The following SLCO3A1 variants were observed in gnomAD, a reference collection of about 807,000 sequenced individuals.
SLCO3A1 encodes solute carrier organic anion transporter family member 3A1, also known as PGE1 transporter.
In SLCO3A1, 27 loss-of-function variants were observed where a neutral mutation model predicts 63.1. The observed-to-expected ratio is 0.43, with a 90% CI of 0.32 to 0.59. SLCO3A1 has a LOEUF of 0.59. Ranked by LOEUF, SLCO3A1 falls within the 20% of genes least tolerant of loss-of-function variation. The pLI, the probability that SLCO3A1 is intolerant of heterozygous loss-of-function variation, is 0.09. For missense variants in SLCO3A1, 773 were observed against 945.8 expected, an observed-to-expected ratio of 0.82 and a Z score of 2.40; for synonymous variants, 473 against 409.9, an observed-to-expected ratio of 1.15 and a Z score of -1.86.
At chr15:91,982,940 A>G (rs916790836) in intron 2 of SLCO3A1, among the ~76,000 whole-genome samples, 5 of 152,132 alleles carry the variant, frequency 3.3e-5, no homozygotes, top group African/African-American at 1.2e-4. Context: ...CTCCACCCCA[A>G]ACTCCCAGGA....
At chr15:92,041,724 T>G (rs779371763) in intron 2 of SLCO3A1, among the ~76,000 whole-genome samples, 1 of 152,166 alleles carries the variant, frequency 6.6e-6, no homozygotes, top group Non-Finnish European at 1.5e-5. Context: ...CACCTGACAT[T>G]TAGAAATCAG....
intron 2 of SLCO3A1, among the ~76,000 whole-genome samples, chr15:91,930,489 A>G (rs953554314): frequency 1.3e-5 from 2 of 152,220 alleles, no homozygotes; most frequent in African/African-American, 4.8e-5. Flanking sequence ...CCATATGGTT[A>G]TGTGTATTAA....
At chr15:91,880,122 C>CGTCCGTCCGTCT (rs1897522104) in intron 1 of SLCO3A1, among the ~76,000 whole-genome samples, 3 of 112,868 alleles carry the variant, frequency 2.7e-5, no homozygotes, top group Non-Finnish European at 5.2e-5. Flanking sequence ...TCCGTCCGTC[C>CGTCCGTCCGTCT]GTCCGTCCGT....
At chr15:92,003,923 A>C (rs2046284312) in intron 2 of SLCO3A1, among the ~76,000 whole-genome samples, 1 of 152,208 alleles carries the variant, frequency 6.6e-6, no homozygotes, top group Admixed American at 6.5e-5. Flanking sequence ...CTGCTGCAGA[A>C]GGGCCATGCT....
In SLCO3A1 at chr15:92,104,269, C is replaced by T; in HGVS notation, c.746-10C>T. 2.5e-6 allele frequency: 4 copies of T among 1,613,934 alleles called. No homozygotes were observed. Among genetic ancestry groups the T allele is most frequent in the Non-Finnish European group, 3.4e-6 (4 of 1,179,968 alleles). On this transcript the variant is annotated splice_polypyrimidine_tract_variant and intron_variant, in intron 3 of 9. Transcript: ENST00000318445. Reference sequence around the variant, plus strand: ...TTTTCTCCACTAAGCTGTGCTCTTTCCATTTACAGGTAACCTGGACATCAC... The same window carrying T: ...TTTTCTCCACTAAGCTGTGCTCTTTTCATTTACAGGTAACCTGGACATCAC...
At chr15:91,984,913 A>G (rs2046031553) in intron 2 of SLCO3A1, among the ~76,000 whole-genome samples, 1 of 151,946 alleles carries the variant, frequency 6.6e-6, no homozygotes, top group African/African-American at 2.4e-5. Flanking sequence ...ATTATCTTCA[A>G]CTCACACTTT....
chr15:91,876,644 G>A (rs1897405436), intron 1 of SLCO3A1, among the ~76,000 whole-genome samples: 8 of 152,210 alleles, frequency 5.3e-5, no homozygotes, highest in Admixed American at 5.2e-4. Context: ...CAGATCTGAG[G>A]CTGGCAAGCA....
chr15:92,163,547 AAAAAAAATT>A lies in SLCO3A1; in HGVS notation c.*420_*428del, dbSNP rs2048466642. 1 of 901,164 alleles carries A rather than the reference AAAAAAAATT, an allele frequency of 1.1e-6. No individual in the cohort carries two copies. The highest frequency in any genetic ancestry group is 5.1e-5 in the South Asian group (1 of 19,488). 55.8% of individuals were successfully genotyped at this position (901,164 alleles called of 1,614,324 possible). On this transcript the variant is annotated 3_prime_UTR_variant, in exon 10 of 10. Coordinates refer to ENST00000318445, the MANE Select transcript of SLCO3A1 (RefSeq NM_013272.4). ...TTTTTTAAAAGAAGTTTCCTAAAATAAAAAAAATTAAAAAAAAAAAACCCACAAGTTGAA... is the reference window on the plus strand; with the variant it reads ...TTTTTTAAAAGAAGTTTCCTAAAATAAAAAAAAAAAAACCCACAAGTTGAA...
chr15:91,866,873 G>A (rs1381474459), intron 1 of SLCO3A1, among the ~76,000 whole-genome samples: 1 of 152,188 alleles, frequency 6.6e-6, no homozygotes, highest in Non-Finnish European at 1.5e-5. Flanking sequence ...AAAGCATTGG[G>A]CCAGGGTGGG....
chr15:91,940,136 C>A (rs966430116), intron 2 of SLCO3A1, among the ~76,000 whole-genome samples: 1 of 152,164 alleles, frequency 6.6e-6, no homozygotes, highest in Non-Finnish European at 1.5e-5. Flanking sequence ...TGCTTTCCCT[C>A]CTCTCCTAGC....
intron 2 of SLCO3A1, among the ~76,000 whole-genome samples, chr15:92,067,627 G>A (rs376067024): frequency 2.0e-5 from 3 of 152,162 alleles, no homozygotes; most frequent in Admixed American, 6.5e-5. Flanking sequence ...ATTAAGCATC[G>A]TCTAACTGCA....
intron 1 of SLCO3A1, among the ~76,000 whole-genome samples, chr15:91,910,652 A>C (rs1898455102): frequency 6.6e-6 from 1 of 152,242 alleles, no homozygotes; most frequent in Non-Finnish European, 1.5e-5. Context: ...TCAAAGCCAG[A>C]TGGGAACTCG....
At position 91,968,012 on chromosome 15, in the gene SLCO3A1, TCTGATTGCCTTA is replaced by T. The variant is rs965052155; in HGVS notation, c.646+51557_646+51568del. 1.5e-4 allele frequency among the ~76,000 whole-genome samples: 23 copies of T among 152,124 alleles called. No individual in the cohort carries two copies. The highest frequency in any genetic ancestry group is 5.6e-4 in the African/African-American group (23 of 41,428). On this transcript the variant is annotated intron_variant, in intron 2 of 9. Coordinates refer to ENST00000318445, the MANE Select transcript of SLCO3A1 (RefSeq NM_013272.4). This position sits in a 1 kb window ranked among gnomAD's most constrained non-coding sequence, Gnocchi z 4.2. ...TGAAATGTCCCTATCTTCCTTCCCT[TCTGATTGCCTTA>T]CTTGTTCAGATGCTTCCATCCTGAA...
At chr15:91,906,339 A>G (rs11853482) in intron 1 of SLCO3A1, among the ~76,000 whole-genome samples, 18,507 of 152,158 alleles carry the variant, frequency 0.12, 1,394 homozygotes, top group African/African-American at 0.21. Flanking sequence ...AACTTTATTC[A>G]TCCTTTATGA....
intron 2 of SLCO3A1, among the ~76,000 whole-genome samples, chr15:92,093,806 TC>T (rs1168037845): frequency 6.6e-6 from 1 of 151,790 alleles, no homozygotes; most frequent in Non-Finnish European, 1.5e-5. Context: ...GGTGAGTTGG[TC>T]TACGCCTATG....
At chr15:92,037,129 C>T (rs2046737903) in intron 2 of SLCO3A1, among the ~76,000 whole-genome samples, 2 of 152,124 alleles carry the variant, frequency 1.3e-5, no homozygotes, top group South Asian at 2.1e-4. Context: ...CTATAAGCCC[C>T]CTAACAGGTT....
At chr15:92,125,911 C>T (rs1211180052) in intron 5 of SLCO3A1, 150 bp from the exon 6 acceptor site, 4 of 646,498 alleles carry the variant, frequency 6.2e-6, no homozygotes, top group Non-Finnish European at 1.1e-5. Context: ...TCAGGCCCTT[C>T]CTGAAGACTC....
intron 2 of SLCO3A1, among the ~76,000 whole-genome samples, chr15:91,957,093 A>T (rs1304109660): frequency 0.043 from 13 of 300 alleles, 2 homozygotes; most frequent in African/African-American, 0.094. Context: ...AGTATATATA[A>T]TATATATAAT....
At chr15:92,160,524 A>G in intron 9 of SLCO3A1, among the ~76,000 whole-genome samples, 1 of 152,150 alleles carries the variant, frequency 6.6e-6, no homozygotes, top group South Asian at 2.1e-4. Context: ...CCACAGCCCA[A>G]CCTGGCAGCT....
Sources: gnomAD v4.1 joint callset for allele counts (sites outside exome capture counted in the v4.1 genomes callset) on GRCh38, gnomAD v4.1.1 for gene constraint, Gnocchi (gnomAD v3.1) non-coding constraint, MANE v1.5 for transcripts, NCBI Gene and HGNC (gene_info 2026-07-23, HGNC 2026-07-21) for gene names.